PARD3: variants seen among roughly 807,000 people sequenced by gnomAD.
PARD3 encodes the protein par-3 family cell polarity regulator.
PARD3 carries 75 observed loss-of-function variants against 155.4 expected under a neutral mutation model. That is an observed-to-expected ratio of 0.48 (90% CI 0.40 to 0.58). PARD3 has a LOEUF of 0.58. PARD3 is among the 20% of genes least tolerant of loss of function. PARD3 has a pLI of 0.00. For synonymous variants in PARD3, 576 were observed against 610.5 expected (o/e 0.94, Z 0.83); for missense variants, 1,642 against 1,721.7 (o/e 0.95, Z 0.82).
intron 2 of PARD3, among the ~76,000 whole-genome samples, chr10:34,519,583 G>C (rs1293317246): frequency 1.3e-5 from 2 of 152,110 alleles, no homozygotes; most frequent in East Asian, 3.9e-4. Context: ...GGAGGCCTAG[G>C]CGGGCGGATC....
chr10:34,116,630 T>A (rs1230524414), intron 24 of PARD3, among the ~76,000 whole-genome samples: 1 of 152,174 alleles, frequency 6.6e-6, no homozygotes, highest in Non-Finnish European at 1.5e-5. Flanking sequence ...AGGAAGATTC[T>A]CATTGATAAA....
intron 4 of PARD3, among the ~76,000 whole-genome samples, chr10:34,462,699 T>C (rs1412711341): frequency 6.7e-6 from 1 of 148,742 alleles, no homozygotes; most frequent in Non-Finnish European, 1.5e-5. Flanking sequence ...AATAGCTGGG[T>C]GGGGTGGCCC....
At chr10:34,673,453 T>C (rs943628411) in intron 2 of PARD3, among the ~76,000 whole-genome samples, 4 of 152,214 alleles carry the variant, frequency 2.6e-5, no homozygotes, top group African/African-American at 9.6e-5. Context: ...TTGGAACCTC[T>C]CATTACTTGT....
intron 22 of PARD3, among the ~76,000 whole-genome samples, chr10:34,156,250 G>A (rs1948999499): frequency 6.6e-6 from 1 of 152,104 alleles, no homozygotes; most frequent in Non-Finnish European, 1.5e-5. Context: ...TGGGACTACA[G>A]GTACAAGCCA....
chr10:34,390,654 G>A (rs1842794891), intron 7 of PARD3, among the ~76,000 whole-genome samples: 1 of 152,052 alleles, frequency 6.6e-6, no homozygotes, highest in Non-Finnish European at 1.5e-5. Context: ...CCAATAAAAC[G>A]AGGACAACAT....
chr10:34,698,073 C>T lies in PARD3; in HGVS notation c.121-1654G>A, dbSNP rs139151379. Among the ~76,000 whole-genome samples the T allele has an allele frequency of 3.1e-4, 47 of 152,220 alleles. 1 individual carries two copies. In the East Asian group the frequency reaches 9.1e-3, roughly 29 times the overall value. On this transcript the variant is annotated intron_variant, in intron 1 of 24. Transcript: ENST00000374788. Reference sequence around the variant, plus strand: ...GCCACATCCTGCCCACCTCTTCCCACCAAGCAAGCTCAAGGGTGACCCAAT... The same window carrying T: ...GCCACATCCTGCCCACCTCTTCCCATCAAGCAAGCTCAAGGGTGACCCAAT...
chr10:34,635,719 G>C (rs2092446050), intron 2 of PARD3, among the ~76,000 whole-genome samples: 1 of 152,188 alleles, frequency 6.6e-6, no homozygotes, highest in Admixed American at 6.5e-5. Context: ...GGATGATGTA[G>C]GAAGAGAAAA....
chr10:34,770,086 G>A (rs1029205430), intron 1 of PARD3, among the ~76,000 whole-genome samples: 11 of 151,986 alleles, frequency 7.2e-5, no homozygotes, highest in Admixed American at 2.0e-4. Context: ...AAGACCCTCC[G>A]GGACAGTCAT....
At chr10:34,340,329 C>A (rs1436834357) in intron 16 of PARD3, among the ~76,000 whole-genome samples, 1 of 152,180 alleles carries the variant, frequency 6.6e-6, no homozygotes, top group African/African-American at 2.4e-5. Context: ...CTAATCCTTG[C>A]TTTCTCTGTT....
At chr10:34,625,715 C>A (rs574618025) in intron 2 of PARD3, among the ~76,000 whole-genome samples, 27 of 152,082 alleles carry the variant, frequency 1.8e-4, no homozygotes, top group Admixed American at 9.2e-4. Context: ...GAGTTTGAGA[C>A]CAGCCTGACT....
At chr10:34,625,329 TAC>T (rs778573109) in intron 2 of PARD3, among the ~76,000 whole-genome samples, 20 of 152,214 alleles carry the variant, frequency 1.3e-4, no homozygotes, top group Non-Finnish European at 2.1e-4. Flanking sequence ...GCTTAAACAA[TAC>T]ACTTACTGAG....
intron 2 of PARD3, among the ~76,000 whole-genome samples, chr10:34,607,307 T>A (rs183725775): frequency 7.8e-4 from 119 of 152,278 alleles, no homozygotes; most frequent in Non-Finnish European, 1.1e-3. Context: ...CACACAAATA[T>A]GCTAAAAAAT....
chr10:34,356,704 G>A (rs116547932), intron 14 of PARD3, among the ~76,000 whole-genome samples: 18 of 152,290 alleles, frequency 1.2e-4, no homozygotes, highest in African/African-American at 4.1e-4. Context: ...AGTGTGCAAA[G>A]GAGAAGGTTT....
chr10:34,245,150 ACT>A (rs1221738563), intron 22 of PARD3, among the ~76,000 whole-genome samples: 1 of 152,136 alleles, frequency 6.6e-6, no homozygotes, highest in Admixed American at 6.5e-5. Context: ...AGACATACAA[ACT>A]CTGTCAGATC....
At chr10:34,274,539 G>T (rs1955783289) in intron 21 of PARD3, among the ~76,000 whole-genome samples, 1 of 152,076 alleles carries the variant, frequency 6.6e-6, no homozygotes, top group Admixed American at 6.6e-5. Flanking sequence ...ACTATACTAT[G>T]ATATTTGGTC....
intron 2 of PARD3, among the ~76,000 whole-genome samples, chr10:34,567,045 CAAGTT>C (rs1218148191): frequency 6.6e-6 from 1 of 152,008 alleles, no homozygotes; most frequent in Non-Finnish European, 1.5e-5. Flanking sequence ...AAAGTATTGA[CAAGTT>C]AAGAAAGACT....
chr10:34,180,542 C>T (rs898563449), intron 22 of PARD3, among the ~76,000 whole-genome samples: 41 of 152,244 alleles, frequency 2.7e-4, no homozygotes, highest in African/African-American at 8.9e-4. Flanking sequence ...TTGAGAAGAA[C>T]ATAAAAATGA....
intron 2 of PARD3, among the ~76,000 whole-genome samples, chr10:34,650,044 G>C (rs147815552): frequency 1.3e-5 from 2 of 152,276 alleles, no homozygotes; most frequent in East Asian, 1.9e-4. Flanking sequence ...AGCACACATG[G>C]AGCTGCCATC....
intron 4 of PARD3, among the ~76,000 whole-genome samples, chr10:34,467,272 G>A (rs1204228806): frequency 6.6e-6 from 1 of 151,360 alleles, no homozygotes; most frequent in African/African-American, 2.4e-5. Flanking sequence ...CCTATTGTAC[G>A]AAAAATAATG....
Sources: allele counts gnomAD v4.1 joint callset (sites outside exome capture counted in the v4.1 genomes callset), GRCh38; gene constraint gnomAD v4.1.1; transcripts MANE v1.5; gene names NCBI Gene and HGNC (gene_info 2026-07-23, HGNC 2026-07-21).